The following CMTM2 variants were observed in gnomAD, a reference collection of about 807,000 sequenced individuals.
CMTM2 encodes CKLF-like MARVEL transmembrane domain-containing protein 2.
A neutral mutation model predicts 16.8 loss-of-function variants in CMTM2; 15 were observed. The ratio of observed to expected loss-of-function variants is 0.89; its 90% CI spans 0.60 to 1.37. The LOEUF is 1.37. Ranked by LOEUF, CMTM2 falls within the 40% of genes most tolerant of loss-of-function variation. CMTM2 has a pLI of 0.00. For missense variants in CMTM2, 282 were observed against 318.0 expected (o/e 0.89, Z 0.86); for synonymous variants, 117 against 118.7 (o/e 0.99, Z 0.09).
Position 66,579,791 on chromosome 16 carries a change from G to A in CMTM2, c.184G>A (p.Val62Met). ...AAAGGCGGTGCAGCCCAAGCACGAA[G>A]TGGGCACGAGGAGGGGGTGTCGCCG... is the stretch of plus-strand genomic sequence containing the variant. Reference protein sequence around the residue: ...PQKAVQPKHEVGTRRGCRRYR... With the variant: ...PQKAVQPKHEMGTRRGCRRYR... The change falls in exon 1 of 4, where the codon GTG (valine) becomes ATG (methionine). Residue 62 changes from valine (V) to methionine (M), a missense_variant. Transcript: ENST00000268595. The surrounding 1 kb of genome is among the most constrained non-coding windows in gnomAD (Gnocchi z 6.5). 6.2e-7 allele frequency: 1 copy of A among 1,613,888 alleles called. No homozygotes were observed. The highest frequency in any genetic ancestry group is 1.1e-5 in the South Asian group (1 of 91,088).
intron 2 of CMTM2, among the ~76,000 whole-genome samples, chr16:66,581,259 G>T (rs2014733728): frequency 6.6e-6 from 1 of 151,738 alleles, no homozygotes; most frequent in Non-Finnish European, 1.5e-5. Context: ...CAGAGGACAA[G>T]GTAAAAGGAC....
intron 2 of CMTM2, among the ~76,000 whole-genome samples, chr16:66,583,817 C>T (rs1196357223): frequency 6.6e-6 from 1 of 152,104 alleles, no homozygotes; most frequent in Non-Finnish European, 1.5e-5. Flanking sequence ...TGGACTCACC[C>T]AACAAGATAT....
intron 2 of CMTM2, 100 bp from the exon 3 acceptor site, chr16:66,586,897 A>C: frequency 1.2e-6 from 1 of 815,314 alleles, no homozygotes; most frequent in Non-Finnish European, 2.2e-6. Context: ...ATCAGGTGGA[A>C]ATTTGCAAAT....
chr16:66,580,149 CATAG>C lies in CMTM2; in HGVS notation c.413_416del (p.Arg138ThrfsTer16). Reference sequence around the variant, plus strand: ...CATCTTACTGTACAGCTTTGCCATTCATAGATACATACCCTTCATCCTGTGGCCC... The same window carrying C: ...CATCTTACTGTACAGCTTTGCCATTCATACATACCCTTCATCCTGTGGCCC... On this transcript the variant is annotated frameshift_variant, in exon 2 of 4. Coordinates refer to ENST00000268595, the MANE Select transcript of CMTM2 (RefSeq NM_144673.3). LOFTEE classifies it high-confidence loss of function. 1.2e-6 allele frequency: 2 copies of C among 1,614,210 alleles called. No homozygotes were observed. Among genetic ancestry groups the C allele is most frequent in the Non-Finnish European group, 1.7e-6 (2 of 1,180,044 alleles).
intron 2 of CMTM2, among the ~76,000 whole-genome samples, chr16:66,585,580 A>T (rs544562495): frequency 9.2e-5 from 14 of 152,208 alleles, no homozygotes; most frequent in Non-Finnish European, 1.6e-4. Flanking sequence ...TCAGACAGGA[A>T]AACTGCACAT....
chr16:66,585,032 T>C (rs1397039167), intron 2 of CMTM2, among the ~76,000 whole-genome samples: 1 of 151,412 alleles, frequency 6.6e-6, no homozygotes, highest in Non-Finnish European at 1.5e-5. Context: ...CCGCAACCTC[T>C]GCCTCCCGGG....
intron 2 of CMTM2, among the ~76,000 whole-genome samples, chr16:66,585,698 C>T (rs2014784809): frequency 6.6e-6 from 1 of 152,096 alleles, no homozygotes; most frequent in Admixed American, 6.6e-5. Context: ...TCAAAGAGGC[C>T]TAAAGGGGAC....
At position 66,587,081 on chromosome 16, in the gene CMTM2, C is replaced by T. The variant is rs2014802343; in HGVS notation, c.529C>T (p.His177Tyr). 2 of 1,613,914 alleles carry T rather than the reference C, an allele frequency of 1.2e-6. No individual in the cohort carries two copies. The highest frequency in any genetic ancestry group is 1.1e-5 in the South Asian group (1 of 91,076). ...GAGAAGTCGGCGATCCATGAATCTC[C>T]ACTACTTACTTGCTGTGGTGAGTCT... ...AVRSRRSMNL[H>Y]YLLAVILIGA... The change falls in exon 3 of 4, where the codon CAC (histidine) becomes TAC (tyrosine). Residue 177 changes from histidine (H) to tyrosine (Y), a missense_variant. Physicochemically the swap from His to Tyr is moderately conservative, Grantham distance 83. Transcript: ENST00000268595.
At chr16:66,582,889 A>T (rs889971353) in intron 2 of CMTM2, among the ~76,000 whole-genome samples, 21 of 152,074 alleles carry the variant, frequency 1.4e-4, no homozygotes, top group African/African-American at 4.6e-4. Flanking sequence ...ATAAATAAAT[A>T]AAATAAAATA....
At chr16:66,586,481 T>C (rs1567384815) in intron 2 of CMTM2, among the ~76,000 whole-genome samples, 1 of 151,208 alleles carries the variant, frequency 6.6e-6, no homozygotes, top group Non-Finnish European at 1.5e-5. Flanking sequence ...CTACTAAAAA[T>C]ACACACAAAA....
chr16:66,585,546 TATA>T (rs1276088454), intron 2 of CMTM2, among the ~76,000 whole-genome samples: 1 of 152,186 alleles, frequency 6.6e-6, no homozygotes, highest in Admixed American at 6.5e-5. Context: ...TTTATAAATA[TATA>T]ATATGTAGAA....
chr16:66,588,156 A>ATT lies in CMTM2; in HGVS notation c.*40_*41dup. The ATT allele has an allele frequency of 2.5e-6, 4 of 1,575,706 alleles. No individual in the cohort carries two copies. Among genetic ancestry groups the ATT allele is most frequent in the Non-Finnish European group, 2.6e-6 (3 of 1,148,912 alleles). On this transcript the variant is annotated 3_prime_UTR_variant, in exon 4 of 4. Transcript: ENST00000268595. ...CTCCTGGTGTCTGAAACGGCAGTGT[A>ATT]TTTTACAGCAATATGTTTCCACTCT...
At chr16:66,584,327 C>A (rs897772177) in intron 2 of CMTM2, among the ~76,000 whole-genome samples, 1 of 151,802 alleles carries the variant, frequency 6.6e-6, no homozygotes, top group Admixed American at 6.6e-5. Context: ...AGCCACCACA[C>A]CCAGCCAGTA....
intron 2 of CMTM2, among the ~76,000 whole-genome samples, chr16:66,582,693 C>A (rs1337769556): frequency 1.3e-5 from 2 of 152,122 alleles, no homozygotes; most frequent in Non-Finnish European, 2.9e-5. Flanking sequence ...CAGAGTGAGA[C>A]CCTGTCTAAA....
chr16:66,585,362 C>G (rs1274939556), intron 2 of CMTM2, among the ~76,000 whole-genome samples: 3 of 152,164 alleles, frequency 2.0e-5, no homozygotes, highest in Non-Finnish European at 4.4e-5. Flanking sequence ...GGTAGAAACA[C>G]CCTGTGTCTC....
chr16:66,582,318 T>G (rs1018837860), intron 2 of CMTM2, among the ~76,000 whole-genome samples: 9 of 152,064 alleles, frequency 5.9e-5, no homozygotes, highest in Non-Finnish European at 8.8e-5. Context: ...AACTGTTAAC[T>G]GAAAGGTATG....
At chr16:66,581,172 G>A (rs988798423) in intron 2 of CMTM2, among the ~76,000 whole-genome samples, 3 of 151,794 alleles carry the variant, frequency 2.0e-5, no homozygotes, top group South Asian at 2.1e-4. Flanking sequence ...CAGAGGTCTT[G>A]GTGAAGCAGA....
chr16:66,582,286 A>G lies in CMTM2; in HGVS notation c.444+2102A>G, dbSNP rs112027457. Among the ~76,000 whole-genome samples, 1,187 of 152,356 alleles carry G rather than the reference A, an allele frequency of 7.8e-3. 20 individuals are homozygous for G. Among genetic ancestry groups the G allele is most frequent in the African/African-American group, 0.027 (1,138 of 41,578 alleles). On this transcript the variant is annotated intron_variant, in intron 2 of 3. Transcript: ENST00000268595. Reference sequence around the variant, plus strand: ...TGTCAATAGATGAATTCAAAAACAGATCAGACATAGCTGAAGGAGGGAACT... The same window carrying G: ...TGTCAATAGATGAATTCAAAAACAGGTCAGACATAGCTGAAGGAGGGAACT...
rs138915340 is a variant in CMTM2, at chr16:66,587,026, G to A, written c.474G>A (p.Ala158=). Residue 158 remains alanine, a synonymous_variant, in exon 3 of 4, where the codon GCG becomes GCA. Transcript: ENST00000268595. The stretch of plus-strand genomic sequence containing the variant: ...TCTTCAACGACCTGATTGCTTGTGC[G>A]TTCCTTGTGGGAGCCGTGGTCTTTG... The part of the protein sequence containing the change: ...SDLFNDLIAC[A]FLVGAVVFAV... 1.6e-4 allele frequency: 254 copies of A among 1,613,982 alleles called. No individual in the cohort carries two copies. The highest frequency in any genetic ancestry group is 2.0e-4 in the Non-Finnish European group (237 of 1,180,026).
Sources: allele counts gnomAD v4.1 joint callset (sites outside exome capture counted in the v4.1 genomes callset), GRCh38; gene constraint gnomAD v4.1.1; non-coding constraint Gnocchi (gnomAD v3.1); transcripts MANE v1.5; gene names NCBI Gene and HGNC (gene_info 2026-07-23, HGNC 2026-07-21).